The following CTSS variants were observed in gnomAD, a reference collection of about 807,000 sequenced individuals.
CTSS encodes the protein cathepsin S.
CTSS carries 15 observed loss-of-function variants against 39.9 expected under a neutral mutation model. That is an observed-to-expected ratio of 0.38 (90% CI 0.25 to 0.58). The LOEUF is 0.58. Ranked by LOEUF, CTSS falls within the 20% of genes least tolerant of loss-of-function variation. The pLI, the probability that CTSS is intolerant of heterozygous loss-of-function variation, is 0.70. For missense variants in CTSS, 250 were observed against 398.2 expected (o/e 0.63, Z 3.17); for synonymous variants, 126 against 138.2 (o/e 0.91, Z 0.62).
At position 150,734,265 on chromosome 1, in the gene CTSS, G is replaced by C. The variant is rs149848956; in HGVS notation, c.897-1120C>G. Among the ~76,000 whole-genome samples, 394 of 151,852 alleles carry C rather than the reference G, an allele frequency of 2.6e-3. 1 individual carries two copies. The highest frequency in any genetic ancestry group is 9.2e-3 in the African/African-American group (382 of 41,454). On this transcript the variant is annotated intron_variant, in intron 7 of 7. Coordinates refer to ENST00000368985, the MANE Select transcript of CTSS (RefSeq NM_004079.5). ...TGGTCTCCAACTCCTGACCTCAAGTGATCTACCCGCCTCAGGCTCCCAAAG... is the reference window on the plus strand; with the variant it reads ...TGGTCTCCAACTCCTGACCTCAAGTCATCTACCCGCCTCAGGCTCCCAAAG...
At chr1:150,734,807 A>T (rs950672925) in intron 7 of CTSS, among the ~76,000 whole-genome samples, 1 of 152,220 alleles carries the variant, frequency 6.6e-6, no homozygotes, top group Non-Finnish European at 1.5e-5. Flanking sequence ...TCACCAAAAT[A>T]TTCTTATTTT....
intron 7 of CTSS, among the ~76,000 whole-genome samples, chr1:150,736,236 CTAATT>C (rs1336686582): frequency 1.3e-5 from 2 of 152,198 alleles, no homozygotes; most frequent in East Asian, 1.9e-4. Context: ...CATAAATTAT[CTAATT>C]TAATCATCAT....
intron 4 of CTSS, among the ~76,000 whole-genome samples, chr1:150,754,672 C>A (rs1280259732): frequency 6.6e-6 from 1 of 152,166 alleles, no homozygotes; most frequent in Non-Finnish European, 1.5e-5. Flanking sequence ...AGGTGATGCG[C>A]CTGCCTCAGC....
intron 7 of CTSS, among the ~76,000 whole-genome samples, chr1:150,747,525 T>C (rs1326765998): frequency 1.3e-5 from 2 of 152,052 alleles, no homozygotes; most frequent in Non-Finnish European, 2.9e-5. Context: ...AATAGGTTCA[T>C]GAGAGAGGCT....
At chr1:150,763,981 G>A (rs1027445577) in intron 2 of CTSS, among the ~76,000 whole-genome samples, 11 of 151,810 alleles carry the variant, frequency 7.2e-5, no homozygotes, top group East Asian at 1.9e-4. Context: ...ACCCTTATCC[G>A]TGAGGCCTTC....
chr1:150,735,035 T>G (rs981306973), intron 7 of CTSS, among the ~76,000 whole-genome samples: 1 of 152,180 alleles, frequency 6.6e-6, no homozygotes, highest in Non-Finnish European at 1.5e-5. Context: ...AAAGGAAAAC[T>G]GGATATCTTT....
At position 150,764,777 on chromosome 1, in the gene CTSS, AG is replaced by A; in HGVS notation, c.-1-14del. On this transcript the variant is annotated splice_polypyrimidine_tract_variant and intron_variant, in intron 1 of 7. Transcript: ENST00000368985. ...CAGCCGTTTCATTCTGTGTAAGGAA[AG>A]GTAACATAGGAAGTGTTGCTATTAG... is the stretch of plus-strand genomic sequence containing the variant. The A allele has an allele frequency of 6.2e-7, 1 of 1,613,186 alleles. No homozygotes were observed. The highest frequency in any genetic ancestry group is 8.5e-7 in the Non-Finnish European group (1 of 1,179,292).
intron 7 of CTSS, among the ~76,000 whole-genome samples, chr1:150,744,624 T>TATA (rs34813433): frequency 0.37 from 47,608 of 128,592 alleles, 9,922 homozygotes; most frequent in South Asian, 0.55. Flanking sequence ...ATATATTATG[T>TATA]ATATTATAGA....
At chr1:150,762,532 A>G (rs1350381806) in intron 2 of CTSS, among the ~76,000 whole-genome samples, 2 of 152,214 alleles carry the variant, frequency 1.3e-5, no homozygotes, top group Non-Finnish European at 2.9e-5. Context: ...CATACATTTG[A>G]TAAGGGGCTA....
intron 7 of CTSS, 113 bp downstream of exon 7, chr1:150,747,664 T>C: frequency 1.4e-6 from 1 of 718,132 alleles, no homozygotes; most frequent in South Asian, 1.7e-5. Flanking sequence ...AGCTATAAAG[T>C]TCATCATTGT....
intron 7 of CTSS, among the ~76,000 whole-genome samples, chr1:150,745,969 T>C (rs1652886130): frequency 6.6e-6 from 1 of 152,218 alleles, no homozygotes; most frequent in African/African-American, 2.4e-5. Context: ...GCTGTACCTT[T>C]GATTCCCAGA....
intron 4 of CTSS, 64 bp downstream of exon 4, chr1:150,754,937 T>G: frequency 6.6e-7 from 1 of 1,507,984 alleles, no homozygotes; most frequent in East Asian, 2.3e-5. Context: ...TCAAATTCTG[T>G]AGCTAGACTA....
intron 7 of CTSS, among the ~76,000 whole-genome samples, chr1:150,739,119 T>C (rs1652694584): frequency 6.6e-6 from 1 of 152,058 alleles, no homozygotes; most frequent in Admixed American, 6.6e-5. Flanking sequence ...GCTTAGAACC[T>C]GGGAGGCAGA....
intron 5 of CTSS, among the ~76,000 whole-genome samples, chr1:150,750,749 C>T (rs1003651083): frequency 1.3e-5 from 2 of 152,098 alleles, no homozygotes; most frequent in Admixed American, 6.6e-5. Flanking sequence ...GATTCTCCCA[C>T]CTCAGCTTCC....
chr1:150,755,037 C>G lies in CTSS; in HGVS notation c.363G>C (p.Trp121Cys), dbSNP rs749437464. Residue 121 changes from tryptophan to cysteine, a missense_variant, in exon 4 of 8, where the codon TGG becomes TGC. Transcript: ENST00000368985. Reference protein sequence around the residue: ...PNRILPDSVDWREKGCVTEVK... With the variant: ...PNRILPDSVDCREKGCVTEVK... ...CTTCAGTAACACACCCTTTCTCTCT[C>G]CAGTCCACAGAATCAGGCAATATCC... The G allele has an allele frequency of 1.9e-6, 3 of 1,614,130 alleles. No homozygotes were observed. Among genetic ancestry groups the G allele is most frequent in the Non-Finnish European group, 2.5e-6 (3 of 1,180,006 alleles).
chr1:150,733,887 T>C (rs1282376595), intron 7 of CTSS, among the ~76,000 whole-genome samples: 2 of 152,160 alleles, frequency 1.3e-5, no homozygotes, highest in Admixed American at 6.6e-5. Flanking sequence ...TTGTTAGAGA[T>C]GTTGCAGAGA....
At chr1:150,748,162 C>A (rs796897225) in intron 6 of CTSS, 1 of 205,742 alleles carries the variant, frequency 4.9e-6, no homozygotes, top group South Asian at 8.3e-5. Context: ...TGGTGGCACG[C>A]ACCTGTAGTC....
At chr1:150,739,175 A>G (rs1652695529) in intron 7 of CTSS, among the ~76,000 whole-genome samples, 1 of 152,216 alleles carries the variant, frequency 6.6e-6, no homozygotes. Context: ...AGCCTGGGCA[A>G]CAGAGGGAGA....
At position 150,751,406 on chromosome 1, in the gene CTSS, C is replaced by T. The variant is rs371812045; in HGVS notation, c.627+375G>A. Among the ~76,000 whole-genome samples the T allele has an allele frequency of 2.9e-3, 442 of 152,120 alleles. 4 individuals carry two copies. Among genetic ancestry groups the T allele is most frequent in the African/African-American group, 0.01 (418 of 41,480 alleles). ...GGGACCACAGGCATGCACCACCATG[C>T]CTGGCTAATTTTTGTATTTTTGGTA... is the stretch of plus-strand genomic sequence containing the variant. On this transcript the variant is annotated intron_variant, in intron 5 of 7. Coordinates refer to ENST00000368985, the MANE Select transcript of CTSS (RefSeq NM_004079.5).
Sources: allele counts gnomAD v4.1 joint callset (sites outside exome capture counted in the v4.1 genomes callset), GRCh38; gene constraint gnomAD v4.1.1; transcripts MANE v1.5; gene names NCBI Gene and HGNC (gene_info 2026-07-23, HGNC 2026-07-21).